Variants in BRINP3 observed in about 807,000 individuals in gnomAD.
BRINP3 encodes the protein BMP/retinoic acid inducible neural specific 3.
A neutral mutation model predicts 71.0 loss-of-function variants in BRINP3; 19 were observed. That is an observed-to-expected ratio of 0.27 (90% CI 0.19 to 0.39). The LOEUF (loss-of-function observed/expected upper bound fraction) is 0.39. BRINP3 is among the 10% of genes least tolerant of loss of function. The probability of loss-of-function intolerance (pLI) is 1.00; values close to 1 mark genes in which losing one functional copy is unlikely to be tolerated. For synonymous variants in BRINP3, 380 were observed against 337.7 expected, an observed-to-expected ratio of 1.13 and a Z score of -1.37; for missense variants, 959 against 940.8, an observed-to-expected ratio of 1.02 and a Z score of -0.25.
intron 7 of BRINP3, among the ~76,000 whole-genome samples, chr1:190,103,899 G>C (rs1651914252): frequency 6.6e-6 from 1 of 151,060 alleles, no homozygotes; most frequent in Non-Finnish European, 1.5e-5. Context: ...CTCATTCTGG[G>C]GCCAGTCACT....
At chr1:190,172,612 C>T (rs537573419) in intron 6 of BRINP3, among the ~76,000 whole-genome samples, 1 of 152,116 alleles carries the variant, frequency 6.6e-6, no homozygotes, top group South Asian at 2.1e-4. Context: ...GAACTTGGCA[C>T]CATTGTCATT....
chr1:190,441,097 G>A (rs1674785958), intron 2 of BRINP3, among the ~76,000 whole-genome samples: 1 of 151,808 alleles, frequency 6.6e-6, no homozygotes, highest in South Asian at 2.1e-4. Context: ...TGAATGTTAT[G>A]GCAACATTTG....
At chr1:190,126,479 G>A (rs1654096507) in intron 7 of BRINP3, among the ~76,000 whole-genome samples, 1 of 151,808 alleles carries the variant, frequency 6.6e-6, no homozygotes, top group Admixed American at 6.6e-5. Context: ...CTGTATCATA[G>A]GACTTACACC....
chr1:190,256,810 T>G (rs1342064887), intron 4 of BRINP3, among the ~76,000 whole-genome samples: 1 of 152,238 alleles, frequency 6.6e-6, no homozygotes, highest in East Asian at 1.9e-4. Context: ...TGTTGACTAC[T>G]GGCCCCCACT....
Position 190,454,840 on chromosome 1 carries a change from T to C in BRINP3, c.51A>G (p.Leu17=), listed in dbSNP as rs1216375767. The C allele has an allele frequency of 1.1e-5, 17 of 1,614,154 alleles. No individual in the cohort carries two copies. The highest frequency in any genetic ancestry group is 1.4e-5 in the Non-Finnish European group (17 of 1,180,040). Reference sequence around the variant, plus strand: ...GAAGACTCAGTGCTATCCACTCCCATAGAGCCATCAGAGAGAACAATTCAG... The same window carrying C: ...GAAGACTCAGTGCTATCCACTCCCACAGAGCCATCAGAGAGAACAATTCAG... ...AGAELFSLMA[L]WEWIALSLHC... The change falls in exon 2 of 8, where the codon CTA becomes CTG. Residue 17 remains leucine, a synonymous_variant. Transcript: ENST00000367462.
intron 2 of BRINP3, among the ~76,000 whole-genome samples, chr1:190,435,492 T>C (rs1674398503): frequency 6.6e-6 from 1 of 152,028 alleles, no homozygotes; most frequent in African/African-American, 2.4e-5. Context: ...TAGGAATAAG[T>C]GAACAAATTA....
intron 2 of BRINP3, among the ~76,000 whole-genome samples, chr1:190,365,923 A>G (rs1442568): frequency 0.19 from 28,042 of 150,222 alleles, 2,612 homozygotes; most frequent in Middle Eastern, 0.22. Flanking sequence ...GACCTGTAAG[A>G]AATAGAAGGA....
intron 5 of BRINP3, among the ~76,000 whole-genome samples, chr1:190,228,478 G>A (rs1188094217): frequency 1.3e-5 from 2 of 151,468 alleles, no homozygotes; most frequent in Non-Finnish European, 2.9e-5. Flanking sequence ...AGTGCTTTTG[G>A]AGAAATAGAG....
intron 2 of BRINP3, among the ~76,000 whole-genome samples, chr1:190,391,477 C>A (rs1196649879): frequency 6.6e-6 from 1 of 151,666 alleles, no homozygotes; most frequent in African/African-American, 2.4e-5. Context: ...CTATCAATAG[C>A]AACTTGTCAT....
intron 7 of BRINP3, among the ~76,000 whole-genome samples, chr1:190,109,394 A>T (rs1652473323): frequency 6.6e-6 from 1 of 152,222 alleles, no homozygotes; most frequent in South Asian, 2.1e-4. Flanking sequence ...GTATGTACTT[A>T]CTAGAGTTCT....
intron 3 of BRINP3, among the ~76,000 whole-genome samples, chr1:190,278,412 A>C (rs1662778798): frequency 6.6e-6 from 1 of 151,674 alleles, no homozygotes; most frequent in Admixed American, 6.6e-5. Flanking sequence ...ATGTTCAATC[A>C]GGTAAAACAG....
At chr1:190,392,921 T>C (rs182982154) in intron 2 of BRINP3, among the ~76,000 whole-genome samples, 1 of 151,820 alleles carries the variant, frequency 6.6e-6, no homozygotes, top group East Asian at 1.9e-4. Context: ...TTGCTTGATA[T>C]GTTCACAGTT....
At chr1:190,236,319 T>C (rs1395236477) in intron 4 of BRINP3, among the ~76,000 whole-genome samples, 3 of 151,988 alleles carry the variant, frequency 2.0e-5, no homozygotes, top group Admixed American at 6.6e-5. Context: ...GTTTTGAACA[T>C]GTTGACTCTC....
intron 6 of BRINP3, among the ~76,000 whole-genome samples, chr1:190,188,472 A>T (rs955459044): frequency 6.6e-6 from 1 of 152,152 alleles, no homozygotes; most frequent in Non-Finnish European, 1.5e-5. Context: ...ATTTTTCCCC[A>T]TGGAATACAA....
At chr1:190,295,174 G>A (rs368851204) in intron 2 of BRINP3, among the ~76,000 whole-genome samples, 15 of 152,170 alleles carry the variant, frequency 9.9e-5, no homozygotes, top group African/African-American at 3.6e-4. Context: ...GGCTACGTTA[G>A]GCAGCCAGTA....
intron 7 of BRINP3, among the ~76,000 whole-genome samples, chr1:190,135,619 T>C (rs1654906288): frequency 6.6e-6 from 1 of 152,078 alleles, no homozygotes; most frequent in Non-Finnish European, 1.5e-5. Flanking sequence ...TTTAATAAAA[T>C]TACCAATGAT....
chr1:190,159,781 T>A (rs199904079), intron 7 of BRINP3, among the ~76,000 whole-genome samples: 2 of 147,460 alleles, frequency 1.4e-5, no homozygotes, highest in African/African-American at 2.5e-5. Context: ...GGTTGCATAG[T>A]TTTTTTTTTA....
At chr1:190,348,667 C>T (rs1167469106) in intron 2 of BRINP3, among the ~76,000 whole-genome samples, 1 of 152,094 alleles carries the variant, frequency 6.6e-6, no homozygotes, top group Non-Finnish European at 1.5e-5. Context: ...TTACATCTTC[C>T]AAAGAGTCTA....
intron 7 of BRINP3, among the ~76,000 whole-genome samples, chr1:190,135,002 A>G (rs1443810362): frequency 6.6e-6 from 1 of 152,088 alleles, no homozygotes; most frequent in Non-Finnish European, 1.5e-5. Flanking sequence ...TGATTTTAGC[A>G]TCTAGAATAG....
Sources: gnomAD v4.1 joint callset for allele counts (sites outside exome capture counted in the v4.1 genomes callset) on GRCh38, gnomAD v4.1.1 for gene constraint, MANE v1.5 for transcripts, NCBI Gene and HGNC (gene_info 2026-07-23, HGNC 2026-07-21) for gene names.